USP25: variants seen among roughly 807,000 people sequenced by gnomAD.
The protein encoded by USP25 is ubiquitin specific peptidase 25, also known as ubiquitin carboxyl-terminal hydrolase 25.
Under a neutral mutation model 158.5 loss-of-function variants are expected in USP25, and 85 were observed. That is an observed-to-expected ratio of 0.54 (90% CI 0.45 to 0.64). The LOEUF (loss-of-function observed/expected upper bound fraction) is 0.64, where lower values mean the gene tolerates loss of function less well. Ranked by LOEUF, USP25 falls within the 30% of genes least tolerant of loss-of-function variation. The probability of loss-of-function intolerance (pLI) is 0.00; values close to 1 mark genes in which losing one functional copy is unlikely to be tolerated. For missense variants in USP25, 1,242 were observed against 1,327.3 expected (o/e 0.94, Z 1.00); for synonymous variants, 464 against 460.4 (o/e 1.01, Z -0.10).
chr21:15,806,310 T>C (rs1415024327), intron 7 of USP25, among the ~76,000 whole-genome samples: 1 of 152,120 alleles, frequency 6.6e-6, no homozygotes, highest in Non-Finnish European at 1.5e-5. Context: ...TCTTCTTTAG[T>C]ATGCATAGTA....
intron 3 of USP25, among the ~76,000 whole-genome samples, chr21:15,775,611 T>A (rs2034594191): frequency 6.6e-6 from 1 of 152,134 alleles, no homozygotes; most frequent in African/African-American, 2.4e-5. Context: ...CAAAGTCTAG[T>A]TGCCGCTTAT....
At chr21:15,752,260 G>A (rs1486805383) in intron 1 of USP25, among the ~76,000 whole-genome samples, 1 of 149,214 alleles carries the variant, frequency 6.7e-6, no homozygotes, top group Non-Finnish European at 1.5e-5. Context: ...CTGTTGCCCA[G>A]GCTGGAGTGC....
At position 15,833,392 on chromosome 21, in the gene USP25, A is replaced by G. The variant is rs746598442; in HGVS notation, c.2038A>G (p.Thr680Ala). The G allele has an allele frequency of 1.9e-6, 3 of 1,613,920 alleles. No individual in the cohort carries two copies. Among genetic ancestry groups the G allele is most frequent in the East Asian group, 2.2e-5 (1 of 44,860 alleles). The change falls in exon 17 of 26, where the codon ACA becomes GCA. Residue 680 changes from threonine (T) to alanine (A), a missense_variant. Thr to Ala is a moderately conservative substitution (Grantham distance 58, BLOSUM62 0). Transcript: ENST00000400183. ...ETGQPLVGIE[T>A]LPPDLRDFVE... ...TGGGCAGCCCCTTGTTGGTATAGAA[A>G]CATTACCACCGGATTTGAGAGATTT...
intron 5 of USP25, among the ~76,000 whole-genome samples, chr21:15,792,708 T>C (rs570012214): frequency 3.2e-4 from 48 of 151,772 alleles, no homozygotes; most frequent in Admixed American, 1.1e-3. Context: ...ACTTCAGTGC[T>C]AAAATTTTCA....
chr21:15,869,516 G>A (rs550963724), intron 22 of USP25, among the ~76,000 whole-genome samples: 1 of 152,218 alleles, frequency 6.6e-6, no homozygotes, highest in African/African-American at 2.4e-5. Flanking sequence ...GAGGGGCATT[G>A]AAATGTGAAC....
At chr21:15,745,288 G>C (rs927106794) in intron 1 of USP25, among the ~76,000 whole-genome samples, 1 of 152,070 alleles carries the variant, frequency 6.6e-6, no homozygotes. Context: ...CTGTTGAGTT[G>C]TAGGAATTCT....
chr21:15,802,404 C>G (rs1023284740), intron 6 of USP25, among the ~76,000 whole-genome samples: 84 of 151,568 alleles, frequency 5.5e-4, no homozygotes, highest in African/African-American at 1.6e-3. Flanking sequence ...ATTTATAAGT[C>G]TCAGTGCATC....
At chr21:15,810,524 A>T (rs534991667) in intron 8 of USP25, among the ~76,000 whole-genome samples, 25 of 152,332 alleles carry the variant, frequency 1.6e-4, no homozygotes, top group African/African-American at 6.0e-4. Context: ...CAGAAAAGAA[A>T]AAAATGAATT....
chr21:15,743,176 G>T (rs563155617), intron 1 of USP25, among the ~76,000 whole-genome samples: 294 of 152,320 alleles, frequency 1.9e-3, no homozygotes, highest in Non-Finnish European at 3.7e-3. Flanking sequence ...AGTTCGAGGG[G>T]TCCTGATGTT....
chr21:15,771,355 G>A (rs2034340070), intron 3 of USP25, among the ~76,000 whole-genome samples: 2 of 152,042 alleles, frequency 1.3e-5, no homozygotes, highest in Non-Finnish European at 2.9e-5. Flanking sequence ...AACAAGTGAT[G>A]GGGGTGTGCT....
intron 5 of USP25, among the ~76,000 whole-genome samples, chr21:15,798,319 T>C (rs1236502154): frequency 2.0e-5 from 3 of 151,348 alleles, no homozygotes; most frequent in African/African-American, 7.3e-5. Flanking sequence ...CTGACACAGC[T>C]ATTTTTTAAA....
intron 4 of USP25, among the ~76,000 whole-genome samples, chr21:15,782,911 A>G (rs2035048061): frequency 6.6e-6 from 1 of 152,244 alleles, no homozygotes. Context: ...GAATCCAAAG[A>G]AAAGAATATT....
chr21:15,873,582 C>G (rs775115113), intron 23 of USP25, among the ~76,000 whole-genome samples: 1 of 151,900 alleles, frequency 6.6e-6, no homozygotes, highest in Admixed American at 6.6e-5. Flanking sequence ...GCTCACCTCA[C>G]CCTCCACCTC....
At chr21:15,745,945 C>T (rs892601005) in intron 1 of USP25, among the ~76,000 whole-genome samples, 1 of 152,166 alleles carries the variant, frequency 6.6e-6, no homozygotes, top group Non-Finnish European at 1.5e-5. Context: ...AGTCCCAGCA[C>T]CTACTTTTGA....
chr21:15,850,069 A>G (rs1163972272), intron 20 of USP25, among the ~76,000 whole-genome samples, 197 bp downstream of exon 20: 1 of 152,074 alleles, frequency 6.6e-6, no homozygotes, highest in South Asian at 2.1e-4. Flanking sequence ...TAATCCAGGT[A>G]ATTCAAGAAA....
At chr21:15,739,389 A>G (rs1380993565) in intron 1 of USP25, among the ~76,000 whole-genome samples, 1 of 152,140 alleles carries the variant, frequency 6.6e-6, no homozygotes, top group South Asian at 2.1e-4. Flanking sequence ...TTCAGTCGTG[A>G]TGCTTGCAGG....
intron 25 of USP25, 113 bp from the exon 26 acceptor site, chr21:15,878,190 C>T (rs2040173926): frequency 1.4e-6 from 2 of 1,399,458 alleles, no homozygotes; most frequent in African/African-American, 2.9e-5. Flanking sequence ...TTTTGTCTCC[C>T]CAAAATGGCA....
intron 5 of USP25, among the ~76,000 whole-genome samples, chr21:15,795,670 A>G (rs777012270): frequency 6.6e-5 from 10 of 151,510 alleles, no homozygotes; most frequent in Non-Finnish European, 1.5e-4. Flanking sequence ...TGTGACATAC[A>G]ATTTGACTGA....
chr21:15,865,728 A>T (rs2039627647), intron 21 of USP25, among the ~76,000 whole-genome samples: 1 of 152,108 alleles, frequency 6.6e-6, no homozygotes, highest in Non-Finnish European at 1.5e-5. Context: ...ATAACTAGTT[A>T]ATCTGTTTTG....
Sources: gnomAD v4.1 joint callset for allele counts (sites outside exome capture counted in the v4.1 genomes callset) on GRCh38, gnomAD v4.1.1 for gene constraint, MANE v1.5 for transcripts, NCBI Gene and HGNC (gene_info 2026-07-23, HGNC 2026-07-21) for gene names.